The following AFG1L variants were observed in gnomAD, a reference collection of about 807,000 sequenced individuals.
The protein encoded by AFG1L is AFG1 like ATPase, also known as AFG1-like ATPase.
AFG1L carries 53 observed loss-of-function variants against 62.2 expected under a neutral mutation model. That is an observed-to-expected ratio of 0.85 (90% confidence interval 0.68 to 1.07). The LOEUF (loss-of-function observed/expected upper bound fraction) is 1.07, where lower values mean the gene tolerates loss of function less well. Among genes scored for constraint, AFG1L ranks in the 50% least tolerant of loss-of-function variants. AFG1L has a pLI of 0.00. For synonymous variants in AFG1L, 228 were observed against 210.3 expected (o/e 1.08, Z -0.73); for missense variants, 555 against 590.5 (o/e 0.94, Z 0.62).
At chr6:108,396,632 A>G (rs1465827266) in intron 6 of AFG1L, among the ~76,000 whole-genome samples, 1 of 152,038 alleles carries the variant, frequency 6.6e-6, no homozygotes, top group Admixed American at 6.6e-5. Flanking sequence ...CTGGGATTAC[A>G]GGTACTCGCC....
intron 1 of AFG1L, among the ~76,000 whole-genome samples, chr6:108,312,504 G>A (rs2114841728): frequency 6.6e-6 from 1 of 152,290 alleles, no homozygotes; most frequent in East Asian, 1.9e-4. Context: ...AGGCTGCAGT[G>A]CTATGCTTGA....
intron 2 of AFG1L, among the ~76,000 whole-genome samples, chr6:108,345,672 T>C (rs1307520508): frequency 1.3e-5 from 2 of 152,092 alleles, no homozygotes; most frequent in African/African-American, 2.4e-5. Flanking sequence ...TTTTGATGTC[T>C]GAATAGTCCT....
chr6:108,382,966 C>G (rs780908900), intron 6 of AFG1L, among the ~76,000 whole-genome samples: 1 of 152,146 alleles, frequency 6.6e-6, no homozygotes, highest in Non-Finnish European at 1.5e-5. Context: ...AGCTGAGTGC[C>G]GTGGCTTATG....
At chr6:108,369,261 G>A (rs1025518882) in intron 6 of AFG1L, among the ~76,000 whole-genome samples, 11 of 152,120 alleles carry the variant, frequency 7.2e-5, no homozygotes, top group Non-Finnish European at 1.6e-4. Flanking sequence ...GGCTCAGGAT[G>A]CAACTGCTGC....
chr6:108,502,150 C>G (rs947737480), intron 10 of AFG1L, among the ~76,000 whole-genome samples: 1 of 151,908 alleles, frequency 6.6e-6, no homozygotes, highest in Admixed American at 6.6e-5. Context: ...GCTCAGCCTC[C>G]TGAGTAGCTG....
chr6:108,381,997 GTT>G (rs768825605), intron 6 of AFG1L, among the ~76,000 whole-genome samples: 9 of 118,290 alleles, frequency 7.6e-5, no homozygotes, highest in Admixed American at 8.9e-5. Flanking sequence ...TTTATTCACT[GTT>G]TTTTTTTTTT....
chr6:108,319,695 A>G, intron 1 of AFG1L: 1 of 353,120 alleles, frequency 2.8e-6, no homozygotes, highest in South Asian at 2.2e-5. Context: ...TGCAGCCTCC[A>G]ACTTTTGGTT....
chr6:108,344,034 G>A (rs1013455946), intron 2 of AFG1L, among the ~76,000 whole-genome samples: 14 of 152,114 alleles, frequency 9.2e-5, no homozygotes, highest in Admixed American at 3.3e-4. Flanking sequence ...CAATCCCAGC[G>A]CTTTGGGAGG....
chr6:108,326,220 C>T (rs1206827725), intron 2 of AFG1L, among the ~76,000 whole-genome samples: 3 of 152,146 alleles, frequency 2.0e-5, no homozygotes, highest in Non-Finnish European at 4.4e-5. Flanking sequence ...TACAGGCATG[C>T]ATCACCATGC....
Position 108,419,164 on chromosome 6 carries a change from GA to G in AFG1L, c.807+17111del, listed in dbSNP as rs1280250845. 2.6e-5 allele frequency among the ~76,000 whole-genome samples: 4 copies of G among 152,182 alleles called. No homozygotes were observed. In the South Asian group the frequency reaches 6.2e-4, roughly 24 times the overall value. On this transcript the variant is annotated intron_variant, in intron 7 of 12. Coordinates refer to ENST00000368977, the MANE Select transcript of AFG1L (RefSeq NM_145315.5). ...TGAATTTCATTAGCTTTCTTTTTAT[GA>G]TTTTCTTAATCAGTTTAACAGTGTG... is the stretch of plus-strand genomic sequence containing the variant.
At chr6:108,331,948 C>A (rs1333697817) in intron 2 of AFG1L, among the ~76,000 whole-genome samples, 1 of 152,124 alleles carries the variant, frequency 6.6e-6, no homozygotes, top group Non-Finnish European at 1.5e-5. Context: ...AGATAATTTT[C>A]AGTTTTTCCC....
Position 108,366,301 on chromosome 6 carries a change from C to G in AFG1L, c.717C>G (p.Val239=). ...LFENLFKNGV[V]VVATSNRPPE... ...AAAATCTGTTCAAAAACGGGGTCGT[C>G]GTTGTGGCAACATCCAACAGGCCAC... Residue 239 remains valine (V), a synonymous_variant, in exon 6 of 13, where the codon GTC becomes GTG. Coordinates refer to ENST00000368977, the MANE Select transcript of AFG1L (RefSeq NM_145315.5). 6.2e-7 allele frequency: 1 copy of G among 1,611,662 alleles called. No homozygotes were observed. The highest frequency in any genetic ancestry group is 1.1e-5 in the South Asian group (1 of 90,808).
rs1051292436 is a variant in AFG1L, at chr6:108,525,879, T to G, written c.*3454T>G. 2 of 152,210 alleles carry G rather than the reference T, an allele frequency of 1.3e-5. No individual in the cohort carries two copies. The highest frequency in any genetic ancestry group is 1.9e-4 in the East Asian group (1 of 5,200). 9.4% of individuals were successfully genotyped at this position (152,210 alleles called of 1,614,324 possible). A position where few individuals can be genotyped will look rare whatever the true frequency, so the allele number is the denominator to read the frequency against. ...ACTTGACGGCTGCTTTATCTGAGATTAAAAACATGCAGAAGGATTGGGCGC... is the reference window on the plus strand; with the variant it reads ...ACTTGACGGCTGCTTTATCTGAGATGAAAAACATGCAGAAGGATTGGGCGC... On this transcript the variant is annotated 3_prime_UTR_variant, in exon 13 of 13. Transcript: ENST00000368977.
chr6:108,387,584 C>G (rs1780824592), intron 6 of AFG1L: 1 of 152,244 alleles, frequency 6.6e-6, no homozygotes, highest in Non-Finnish European at 1.5e-5. Flanking sequence ...TTGTGGAAGA[C>G]AGTTTTGACT....
intron 2 of AFG1L, among the ~76,000 whole-genome samples, chr6:108,333,485 G>T (rs1778357451): frequency 1.3e-5 from 2 of 152,054 alleles, no homozygotes; most frequent in African/African-American, 4.8e-5. Flanking sequence ...GCTCACGCCT[G>T]TAATCTCAAC....
intron 6 of AFG1L, among the ~76,000 whole-genome samples, chr6:108,394,234 G>T (rs541648805): frequency 3.0e-4 from 44 of 144,418 alleles, no homozygotes; most frequent in African/African-American, 7.6e-4. Context: ...TGCAACCTTT[G>T]CCTCCTGAGT....
chr6:108,453,649 C>T (rs1035126352), intron 8 of AFG1L, among the ~76,000 whole-genome samples: 4 of 152,228 alleles, frequency 2.6e-5, no homozygotes, highest in Non-Finnish European at 5.9e-5. Flanking sequence ...CTGCTCTCAA[C>T]TGTGAGAATC....
chr6:108,446,103 C>T (rs1344447904), intron 7 of AFG1L, among the ~76,000 whole-genome samples: 3 of 125,024 alleles, frequency 2.4e-5, no homozygotes, highest in East Asian at 2.3e-4. Context: ...CACACACACA[C>T]CCCTACATAT....
chr6:108,358,255 A>G (rs546128981), intron 5 of AFG1L, among the ~76,000 whole-genome samples: 3 of 152,352 alleles, frequency 2.0e-5, no homozygotes, highest in Admixed American at 2.0e-4. Flanking sequence ...ATATCTCTAA[A>G]TAAAACTGAA....
Sources: gnomAD v4.1 joint callset for allele counts (sites outside exome capture counted in the v4.1 genomes callset) on GRCh38, gnomAD v4.1.1 for gene constraint, MANE v1.5 for transcripts, NCBI Gene and HGNC (gene_info 2026-07-23, HGNC 2026-07-21) for gene names.